The following CTNNA3 variants were observed in gnomAD, a reference collection of about 807,000 sequenced individuals.
The protein encoded by CTNNA3 is catenin alpha-3.
CTNNA3 carries 76 observed loss-of-function variants against 95.7 expected under a neutral mutation model. The observed-to-expected ratio is 0.79, with a 90% CI of 0.66 to 0.96. The LOEUF (loss-of-function observed/expected upper bound fraction) is 0.96. Among genes scored for constraint, CTNNA3 ranks in the 40% least tolerant of loss-of-function variants. The pLI is 0.00. For missense variants in CTNNA3, 1,191 were observed against 1,089.8 expected (o/e 1.09, Z -1.31); for synonymous variants, 431 against 374.4 (o/e 1.15, Z -1.74).
intron 1 of CTNNA3, among the ~76,000 whole-genome samples, chr10:67,694,041 C>T (rs1415137974): frequency 5.3e-5 from 8 of 152,182 alleles, no homozygotes; most frequent in African/African-American, 1.9e-4. Flanking sequence ...AGAATTTATT[C>T]TTCCTATTCC....
At chr10:66,069,797 T>C (rs1424936073) in intron 14 of CTNNA3, among the ~76,000 whole-genome samples, 2 of 152,158 alleles carry the variant, frequency 1.3e-5, no homozygotes, top group African/African-American at 4.8e-5. Flanking sequence ...CGCTTCAAAT[T>C]TTAAATTAAC....
chr10:65,925,302 A>T (rs933077892), intron 17 of CTNNA3, among the ~76,000 whole-genome samples: 1 of 152,180 alleles, frequency 6.6e-6, no homozygotes, highest in Non-Finnish European at 1.5e-5. Context: ...AATAAAATCG[A>T]AACAGTAAAA....
chr10:66,678,881 G>A (rs537310649), intron 9 of CTNNA3, among the ~76,000 whole-genome samples: 1 of 152,198 alleles, frequency 6.6e-6, no homozygotes, highest in East Asian at 1.9e-4. Context: ...TTTGGTGGGA[G>A]AAAGGCAAAG....
chr10:66,948,238 A>G (rs1466647031), intron 7 of CTNNA3, among the ~76,000 whole-genome samples: 2 of 152,212 alleles, frequency 1.3e-5, no homozygotes, highest in African/African-American at 4.8e-5. Flanking sequence ...GATCAGACAG[A>G]CTGAAAAACC....
chr10:67,384,120 G>A (rs1440423546), intron 5 of CTNNA3, among the ~76,000 whole-genome samples: 6 of 151,934 alleles, frequency 3.9e-5, no homozygotes, highest in Non-Finnish European at 8.8e-5. Context: ...GTGCCAGAAA[G>A]GATATAAAGT....
At chr10:67,234,522 A>T (rs967872161) in intron 5 of CTNNA3, among the ~76,000 whole-genome samples, 6 of 152,188 alleles carry the variant, frequency 3.9e-5, no homozygotes, top group African/African-American at 1.4e-4. Context: ...TCAAAATAAT[A>T]AGCACTATCT....
intron 5 of CTNNA3, among the ~76,000 whole-genome samples, chr10:67,240,511 A>T (rs1380854467): frequency 6.6e-6 from 1 of 152,178 alleles, no homozygotes; most frequent in Non-Finnish European, 1.5e-5. Flanking sequence ...AAAATGCAAG[A>T]TTTTACAATA....
intron 12 of CTNNA3, among the ~76,000 whole-genome samples, chr10:66,361,699 G>T (rs1362334532): frequency 6.6e-6 from 1 of 151,274 alleles, no homozygotes; most frequent in Non-Finnish European, 1.5e-5. Context: ...CACCACACTT[G>T]GTTGATTTTC....
At chr10:66,865,644 G>GA (rs1396655335) in intron 7 of CTNNA3, among the ~76,000 whole-genome samples, 4 of 151,794 alleles carry the variant, frequency 2.6e-5, no homozygotes, top group African/African-American at 9.7e-5. Flanking sequence ...AAACGTAATG[G>GA]AAAAAATCAC....
chr10:66,438,071 C>A (rs2093350343), intron 11 of CTNNA3, among the ~76,000 whole-genome samples: 1 of 152,164 alleles, frequency 6.6e-6, no homozygotes, highest in East Asian at 1.9e-4. Flanking sequence ...CCTCTGGAAG[C>A]TTTATTCCAG....
intron 3 of CTNNA3, among the ~76,000 whole-genome samples, chr10:67,558,424 A>C (rs1841336289): frequency 6.6e-6 from 1 of 152,176 alleles, no homozygotes; most frequent in Non-Finnish European, 1.5e-5. Flanking sequence ...TCTATTCTTC[A>C]CTGAGATTGC....
intron 11 of CTNNA3, among the ~76,000 whole-genome samples, chr10:66,500,260 A>G (rs1422329638): frequency 1.3e-5 from 2 of 152,212 alleles, no homozygotes; most frequent in Admixed American, 1.3e-4. Flanking sequence ...TTAGTGAAAT[A>G]GTGATAGTAT....
chr10:67,240,721 C>G (rs1865686126), intron 5 of CTNNA3, among the ~76,000 whole-genome samples: 1 of 152,068 alleles, frequency 6.6e-6, no homozygotes, highest in Non-Finnish European at 1.5e-5. Context: ...TTAATGCATA[C>G]CTTGGGTAAC....
intron 7 of CTNNA3, among the ~76,000 whole-genome samples, chr10:67,056,688 T>C (rs1336150384): frequency 6.6e-6 from 1 of 152,154 alleles, no homozygotes; most frequent in Non-Finnish European, 1.5e-5. Context: ...CCCACAAAAT[T>C]ACATTATACA....
At chr10:66,915,127 A>G (rs1846421080) in intron 7 of CTNNA3, among the ~76,000 whole-genome samples, 1 of 151,478 alleles carries the variant, frequency 6.6e-6, no homozygotes, top group African/African-American at 2.4e-5. Context: ...CATACAATAC[A>G]TTTGTATAGA....
At chr10:66,306,159 A>C (rs992161791) in intron 12 of CTNNA3, among the ~76,000 whole-genome samples, 8 of 152,296 alleles carry the variant, frequency 5.3e-5, no homozygotes, top group South Asian at 2.1e-4. Context: ...TACTTAACTA[A>C]ATTTTTTGAA....
At chr10:67,619,258 TA>T (rs1045789898) in intron 2 of CTNNA3, among the ~76,000 whole-genome samples, 2 of 152,170 alleles carry the variant, frequency 1.3e-5, no homozygotes, top group African/African-American at 4.8e-5. Flanking sequence ...GGCACTGGCA[TA>T]AAAACAGACA....
chr10:66,245,970 C>T (rs2090303805), intron 13 of CTNNA3, among the ~76,000 whole-genome samples: 1 of 152,174 alleles, frequency 6.6e-6, no homozygotes, highest in Admixed American at 6.5e-5. Context: ...TCATGGGCAA[C>T]CATTGGTGGG....
intron 1 of CTNNA3, among the ~76,000 whole-genome samples, chr10:67,747,575 C>T (rs1235276995): frequency 6.6e-6 from 1 of 152,154 alleles, no homozygotes; most frequent in Non-Finnish European, 1.5e-5. Flanking sequence ...ACAGCATCAA[C>T]AAAAAGGTCT....
Sources: allele counts gnomAD v4.1 joint callset (sites outside exome capture counted in the v4.1 genomes callset), GRCh38; gene constraint gnomAD v4.1.1; transcripts MANE v1.5; gene names NCBI Gene and HGNC (gene_info 2026-07-23, HGNC 2026-07-21).